The following FBXL18 variants were observed in gnomAD, a reference collection of about 807,000 sequenced individuals.
The protein encoded by FBXL18 is F-box and leucine rich repeat protein 18.
FBXL18 carries 36 observed loss-of-function variants against 46.0 expected under a neutral mutation model. The ratio of observed to expected loss-of-function variants is 0.78; its 90% confidence interval spans 0.60 to 1.03. The LOEUF (loss-of-function observed/expected upper bound fraction) is 1.03. FBXL18 is among the 50% of genes least tolerant of loss of function. The pLI is 0.00. For synonymous variants in FBXL18, 557 were observed against 465.3 expected (o/e 1.20, Z -2.54); for missense variants, 977 against 1,004.1 (o/e 0.97, Z 0.36).
rs535059808 is a variant in FBXL18 at position 5,504,831 on chromosome 7, G to C, written c.237+581C>G. On this transcript the variant is annotated intron_variant, in intron 2 of 4. Coordinates refer to ENST00000382368, the MANE Select transcript of FBXL18 (RefSeq NM_024963.6). ...CTCGGGAGGCTGAGGCAGGAGAATG[G>C]TGTGAACCCGGGAGGCAGAGCTTGC... Among the ~76,000 whole-genome samples, 13 of 139,798 alleles carry C rather than the reference G, an allele frequency of 9.3e-5. 1 individual carries two copies. In the South Asian group the frequency reaches 3.0e-3, roughly 32 times the overall value. The allele number at this position is 139,798 out of a possible 152,430, so 91.7% of individuals were successfully genotyped here.
chr7:5,486,496 T>C (rs1249246434), intron 4 of FBXL18, among the ~76,000 whole-genome samples: 1 of 148,196 alleles, frequency 6.7e-6, no homozygotes, highest in Non-Finnish European at 1.5e-5. Flanking sequence ...TATAAAAAAA[T>C]GTAAAAATTA....
At position 5,500,649 on chromosome 7, in the gene FBXL18, CT is replaced by C. The variant is rs754108450; in HGVS notation, c.1619del (p.Gln540ArgfsTer31). On this transcript the variant is annotated frameshift_variant, in exon 3 of 5. Coordinates refer to ENST00000382368, the MANE Select transcript of FBXL18 (RefSeq NM_024963.6). LOFTEE classifies it high-confidence loss of function. ...LAFLRHLTLA[Q>X]LPSVLTGSGL... ...CGGAGCCCGTAAGGACGCTGGGCAG[CT>C]GTGCGAGCGTCAGGTGCCGCAGGAA... is the stretch of plus-strand genomic sequence containing the variant. The C allele has an allele frequency of 1.2e-6, 2 of 1,612,386 alleles. No individual in the cohort carries two copies. The highest frequency in any genetic ancestry group is 2.2e-5 in the South Asian group (2 of 90,994).
At chr7:5,482,098 C>T (rs1783663320) in intron 4 of FBXL18, among the ~76,000 whole-genome samples, 167 bp from the exon 5 acceptor site, 1 of 152,210 alleles carries the variant, frequency 6.6e-6, no homozygotes, top group Admixed American at 6.5e-5. Context: ...GCCTCAAGGG[C>T]CCTGTACGTG....
chr7:5,491,308 C>A lies in FBXL18; in HGVS notation c.1923G>T (p.Leu641=). The change falls in exon 4 of 5, where the codon CTG becomes CTT. Residue 641 remains leucine (L), a synonymous_variant. Coordinates refer to ENST00000382368, the MANE Select transcript of FBXL18 (RefSeq NM_024963.6). ...TGAACAGGTGGCACATGACAACCTG[C>A]AGGCAGCGAGCCATGAAGGCCAGCA... ...DAVLAFMARC[L]QVVMCHLFTG... 1 of 1,612,298 alleles carries A rather than the reference C, an allele frequency of 6.2e-7. No homozygotes were observed. Among genetic ancestry groups the A allele is most frequent in the South Asian group, 1.1e-5 (1 of 90,886 alleles).
downstream of FBXL18, among the ~76,000 whole-genome samples, chr7:5,472,621 A>G (rs1161571942): frequency 6.6e-6 from 1 of 152,156 alleles, no homozygotes; most frequent in African/African-American, 2.4e-5. Flanking sequence ...ACGAGGCCAC[A>G]TGGAGGTGTT....
Position 5,489,895 on chromosome 7 carries a change from A to G in FBXL18, c.2000+1336T>C, listed in dbSNP as rs1400506488. On this transcript the variant is annotated intron_variant, in intron 4 of 4. Transcript: ENST00000382368. The stretch of plus-strand genomic sequence containing the variant: ...AGAAAGCAGAGGTTGCAGTGAGCTG[A>G]GATCCCGCCACTGCACTCCAGCCTG... 7 of 928,496 alleles carry G rather than the reference A, an allele frequency of 7.5e-6. No individual in the cohort carries two copies. The Admixed American group carries it at 1.4e-4, about 18-fold the overall frequency. The allele number at this position is 928,496 out of a possible 1,614,324, so 57.5% of individuals were successfully genotyped here.
At chr7:5,490,380 T>C (rs565754279) in intron 4 of FBXL18, among the ~76,000 whole-genome samples, 1 of 152,300 alleles carries the variant, frequency 6.6e-6, no homozygotes, top group African/African-American at 2.4e-5. Context: ...TCTCCAGGAA[T>C]CGCCTCCTCC....
chr7:5,464,480 G>GAAAAT lies in FBXL18; in HGVS notation c.2001-16642_2001-16638dup, dbSNP rs955298535. Among the ~76,000 whole-genome samples, 26 of 151,338 alleles carry GAAAAT rather than the reference G, an allele frequency of 1.7e-4. 1 individual carries two copies. Among genetic ancestry groups the GAAAAT allele is most frequent in the African/African-American group, 2.2e-4 (9 of 41,262 alleles). On this transcript the variant is annotated intron_variant and NMD_transcript_variant, in intron 4 of 6. Coordinates refer to the FBXL18 transcript ENST00000415009. ...AGGAGACAGAGCAAGACTCCATCTCGAAAATAAAATAAAATAAAATAAGAA... is the reference window on the plus strand; with the variant it reads ...AGGAGACAGAGCAAGACTCCATCTCGAAAATAAAATAAAATAAAATAAAATAAGAA...
intron 1 of FBXL18, among the ~76,000 whole-genome samples, chr7:5,507,555 G>T (rs550392140): frequency 2.0e-5 from 3 of 152,270 alleles, no homozygotes; most frequent in Admixed American, 2.0e-4. Flanking sequence ...GCAGAACAAG[G>T]CCGGGCATGG....
chr7:5,501,493 G>A lies in FBXL18; in HGVS notation c.776C>T (p.Pro259Leu). 1 of 1,613,938 alleles carries A rather than the reference G, an allele frequency of 6.2e-7. No homozygotes were observed. The highest frequency in any genetic ancestry group is 1.1e-5 in the South Asian group (1 of 91,078). Residue 259 changes from proline (P) to leucine (L), a missense_variant, in exon 3 of 5, where the codon CCT becomes CTT. Transcript: ENST00000382368. ...LYLAVLSDRT[P>L]QNLHAFLISV... ...GATGAGGAAGGCGTGGAGGTTCTGA[G>A]GAGTGCGGTCGCTAAGCACAGCCAG... is the stretch of plus-strand genomic sequence containing the variant.
rs1283338258 is a variant in FBXL18, at chr7:5,499,709, TGTG to T, written c.1781+776_1781+778del. 4.4e-5 allele frequency among the ~76,000 whole-genome samples: 6 copies of T among 136,930 alleles called. No individual in the cohort carries two copies. In the East Asian group the frequency reaches 1.0e-3, roughly 23 times the overall value. The allele number at this position is 136,930 out of a possible 152,430, so 89.8% of individuals were successfully genotyped here. A position where few individuals can be genotyped will look rare whatever the true frequency, so the allele number is the denominator to read the frequency against. ...TCGCGCCACTGCACTCCAGCCTGGG[TGTG>T]TAGAATGAGACTCTGTCTCAAAAAA... On this transcript the variant is annotated intron_variant, in intron 3 of 4. Transcript: ENST00000382368.
At chr7:5,462,995 T>TATATATAA (rs1309862413) in intron 4 of FBXL18, among the ~76,000 whole-genome samples, 27 of 31,810 alleles carry the variant, frequency 8.5e-4, no homozygotes, top group African/African-American at 2.2e-3. Flanking sequence ...TATATATATA[T>TATATATAA]AATATATATA....
chr7:5,482,105 C>T (rs573009790), intron 4 of FBXL18, among the ~76,000 whole-genome samples, 174 bp from the exon 5 acceptor site: 7 of 152,202 alleles, frequency 4.6e-5, no homozygotes, highest in African/African-American at 1.2e-4. Flanking sequence ...GGGCCCTGTA[C>T]GTGGCAGACA....
rs751217120 is a variant in FBXL18 at position 5,501,338 on chromosome 7, T to C, written c.931A>G (p.Met311Val). ...AAGTAGAACGGGTTGTTGAATTTCA[T>C]GTGCTGCAGGAGGGAAGAGCCGTTC... ...WLNGSSLLQH[M>V]KFNNPFYFSF... The change falls in exon 3 of 5, where the codon ATG (methionine) becomes GTG (valine). Residue 311 changes from methionine (M) to valine (V), a missense_variant. Coordinates refer to ENST00000382368, the MANE Select transcript of FBXL18 (RefSeq NM_024963.6). 4 of 1,614,108 alleles carry C rather than the reference T, an allele frequency of 2.5e-6. No homozygotes were observed. The highest frequency in any genetic ancestry group is 2.2e-5 in the East Asian group (1 of 44,866).
In FBXL18 at chr7:5,501,268, T is replaced by A; in HGVS notation, c.1001A>T (p.Gln334Leu). ...CAGGTCCTTCCCGCCGTTGATGACC[T>A]GCTGGATCAGATGGCCGCCTGACAG... ...CTLSGGHLIQ[Q>L]VINGGKDLRS... The change falls in exon 3 of 5, where the codon CAG becomes CTG. Residue 334 changes from glutamine (Q) to leucine (L), a missense_variant. By Grantham distance (113) the Gln-to-Leu change is moderately radical (BLOSUM62 -2). Coordinates refer to ENST00000382368, the MANE Select transcript of FBXL18 (RefSeq NM_024963.6). 6.2e-7 allele frequency: 1 copy of A among 1,614,132 alleles called. No individual in the cohort carries two copies. Among genetic ancestry groups the A allele is most frequent in the Non-Finnish European group, 8.5e-7 (1 of 1,180,014 alleles).
chr7:5,502,534 C>G (rs1184677767), intron 2 of FBXL18, among the ~76,000 whole-genome samples: 1 of 139,562 alleles, frequency 7.2e-6, no homozygotes, highest in Non-Finnish European at 1.5e-5. Flanking sequence ...GACTCTGTCT[C>G]AAAAAGAAAA....
intron 4 of FBXL18, among the ~76,000 whole-genome samples, chr7:5,459,805 C>T (rs548322989): frequency 3.0e-4 from 46 of 151,578 alleles, no homozygotes; most frequent in African/African-American, 1.1e-3. Context: ...CCCAGCTACT[C>T]GGGAGGATGA....
intron 3 of FBXL18, among the ~76,000 whole-genome samples, chr7:5,494,425 C>G (rs1329639245): frequency 1.3e-5 from 2 of 152,074 alleles, no homozygotes; most frequent in Non-Finnish European, 2.9e-5. Flanking sequence ...GAGCGAGACT[C>G]TGTCTCACAC....
chr7:5,513,231 G>A lies in FBXL18; in HGVS notation c.18+426C>T, dbSNP rs148255057. On this transcript the variant is annotated intron_variant, in intron 1 of 4. Coordinates refer to ENST00000382368, the MANE Select transcript of FBXL18 (RefSeq NM_024963.6). The stretch of plus-strand genomic sequence containing the variant: ...ACCCCCCACGTCATTCAGCAAGCAG[G>A]CTCCAGGGAGAAGTGGGCTGGGGCT... 2.4e-3 allele frequency among the ~76,000 whole-genome samples: 364 copies of A among 152,248 alleles called. 3 individuals are homozygous for A. Among genetic ancestry groups the A allele is most frequent in the Middle Eastern group, 0.01 (3 of 294 alleles).
Sources: allele counts gnomAD v4.1 joint callset (sites outside exome capture counted in the v4.1 genomes callset), GRCh38; gene constraint gnomAD v4.1.1; transcripts MANE v1.5; gene names NCBI Gene and HGNC (gene_info 2026-07-23, HGNC 2026-07-21).